DYNC2H1: variants seen among roughly 807,000 people sequenced by gnomAD.
The protein encoded by DYNC2H1 is cytoplasmic dynein 2 heavy chain 1.
DYNC2H1 carries 410 observed loss-of-function variants against 570.0 expected under a neutral mutation model. The observed-to-expected ratio is 0.72, with a 90% CI of 0.66 to 0.78. The LOEUF is 0.78. Ranked by LOEUF, DYNC2H1 falls within the 30% of genes least tolerant of loss-of-function variation. DYNC2H1 has a pLI of 0.00. For synonymous variants in DYNC2H1, 1,688 were observed against 1,677.6 expected, an observed-to-expected ratio of 1.01 and a Z score of -0.15; for missense variants, 4,865 against 5,046.4, an observed-to-expected ratio of 0.96 and a Z score of 1.09.
At chr11:103,183,599 G>T (rs1861940649) in intron 40 of DYNC2H1, among the ~76,000 whole-genome samples, 1 of 151,878 alleles carries the variant, frequency 6.6e-6, no homozygotes, top group African/African-American at 2.4e-5. Context: ...TGCTGAAATT[G>T]TATTTATAAC....
At chr11:103,361,493 GA>G (rs57728262) in intron 83 of DYNC2H1, among the ~76,000 whole-genome samples, 83,673 of 151,684 alleles carry the variant, frequency 0.55, 24,804 homozygotes, top group Admixed American at 0.66. Flanking sequence ...CTAAGACAGG[GA>G]TAAGGAATTT....
chr11:103,109,890 G>A lies in DYNC2H1; in HGVS notation c.195+121G>A, dbSNP rs1381982606. On this transcript the variant is annotated intron_variant, in intron 1 of 88. Coordinates refer to ENST00000375735, the MANE Select transcript of DYNC2H1 (RefSeq NM_001377.3). ...ACCAGATCCTTTTCAGGAACCCAAG[G>A]CTGTCTCCACTTCTCCTGCATTATT... The A allele has an allele frequency of 5.7e-6, 6 of 1,058,084 alleles. No individual in the cohort carries two copies. In the East Asian group the frequency reaches 1.1e-4, roughly 19 times the overall value. 65.5% of individuals were successfully genotyped at this position (1,058,084 alleles called of 1,614,324 possible).
chr11:103,128,870 G>T (rs746301533), intron 12 of DYNC2H1, 40 bp from the exon 13 acceptor site: 2 of 1,360,088 alleles, frequency 1.5e-6, no homozygotes, highest in African/African-American at 1.5e-5. Flanking sequence ...AATTAAAAAT[G>T]AAGTTATTAA....
chr11:103,117,288 T>A (rs994553137), intron 5 of DYNC2H1, among the ~76,000 whole-genome samples: 2 of 147,760 alleles, frequency 1.4e-5, no homozygotes, highest in African/African-American at 2.5e-5. Flanking sequence ...ATATATATAT[T>A]TTTATTATAC....
chr11:103,340,176 G>C (rs780072839), intron 82 of DYNC2H1, among the ~76,000 whole-genome samples: 3 of 152,158 alleles, frequency 2.0e-5, no homozygotes, highest in Non-Finnish European at 4.4e-5. Context: ...GTTTTCTTGT[G>C]TTGATAGTTG....
rs746598261 is a variant in DYNC2H1, at chr11:103,313,515, G to C, written c.11649+1482G>C. On this transcript the variant is annotated intron_variant, in intron 79 of 88. Transcript: ENST00000375735. Reference sequence around the variant, plus strand: ...TCTCTCCTCAAACTTTCCCCCTCATGCTGCTCCCCTTTTAACCTCTCTGTT... The same window carrying C: ...TCTCTCCTCAAACTTTCCCCCTCATCCTGCTCCCCTTTTAACCTCTCTGTT... Among the ~76,000 whole-genome samples the C allele has an allele frequency of 2.0e-5, 3 of 152,106 alleles. No homozygotes were observed. In the East Asian group the frequency reaches 5.8e-4, roughly 29 times the overall value.
intron 36 of DYNC2H1, among the ~76,000 whole-genome samples, 198 bp downstream of exon 36, chr11:103,174,368 G>A (rs995703545): frequency 1.3e-5 from 2 of 152,044 alleles, no homozygotes; most frequent in Non-Finnish European, 2.9e-5. Flanking sequence ...TTGATACATT[G>A]TTTTTAAACT....
In DYNC2H1 at chr11:103,185,853, T is replaced by G. The variant is rs1052935203; in HGVS notation, c.6634-389T>G. Among the ~76,000 whole-genome samples the G allele has an allele frequency of 1.3e-5, 2 of 151,948 alleles. No homozygotes were observed. The highest frequency in any genetic ancestry group is 4.8e-5 in the African/African-American group (2 of 41,424). ...CAGTTTTCAGTATTAAAAAGAAGAA[T>G]AACAGGTGGAGAGCAGTGGTAGTGA... On this transcript the variant is annotated intron_variant, in intron 41 of 88. Transcript: ENST00000375735. The surrounding 1 kb of genome is among the most constrained non-coding windows in gnomAD (Gnocchi z 4.5).
chr11:103,413,366 C>T (rs1401293344), intron 84 of DYNC2H1, among the ~76,000 whole-genome samples: 4 of 151,634 alleles, frequency 2.6e-5, no homozygotes, highest in African/African-American at 9.7e-5. Context: ...AAGGTATTAC[C>T]TCATGTTTTA....
chr11:103,241,619 C>G lies in DYNC2H1; in HGVS notation c.9820-2074C>G. The G allele has an allele frequency of 7.9e-7, 1 of 1,262,832 alleles. No homozygotes were observed. 78.2% of individuals were successfully genotyped at this position (1,262,832 alleles called of 1,614,324 possible). A position where few individuals can be genotyped will look rare whatever the true frequency, so the allele number is the denominator to read the frequency against. Reference sequence around the variant, plus strand: ...AAAATGCAGAATTGTGAAATGTGTGCTATTGAATGCTAGCATAAAATTAGA... The same window carrying G: ...AAAATGCAGAATTGTGAAATGTGTGGTATTGAATGCTAGCATAAAATTAGA... On this transcript the variant is annotated intron_variant, in intron 63 of 88. Transcript: ENST00000375735. This position sits in a 1 kb window ranked among gnomAD's most constrained non-coding sequence, Gnocchi z 5.1.
At position 103,152,392 on chromosome 11, in the gene DYNC2H1, G is replaced by A. The variant is rs1275327614; in HGVS notation, c.3096+107G>A. 4.5e-6 allele frequency: 5 copies of A among 1,101,550 alleles called. No individual in the cohort carries two copies. In the East Asian group the frequency reaches 1.4e-4, roughly 31 times the overall value. 68.2% of individuals were successfully genotyped at this position (1,101,550 alleles called of 1,614,324 possible). On this transcript the variant is annotated intron_variant, in intron 21 of 88. Transcript: ENST00000375735. The stretch of plus-strand genomic sequence containing the variant: ...CCCAGGTTTATAATAATTTAATGTG[G>A]CTGTTGAAATTGACCTCCCTGACTA...
chr11:103,339,473 C>G (rs945272781), intron 82 of DYNC2H1, among the ~76,000 whole-genome samples: 1 of 152,204 alleles, frequency 6.6e-6, no homozygotes, highest in South Asian at 2.1e-4. Flanking sequence ...CATTCAAGAG[C>G]AAAGACCTGC....
Position 103,353,135 on chromosome 11 carries a change from A to G in DYNC2H1, c.12040-5108A>G, listed in dbSNP as rs1342977392. Among the ~76,000 whole-genome samples the G allele has an allele frequency of 2.0e-5, 3 of 152,276 alleles. No homozygotes were observed. The East Asian group carries it at 5.8e-4, about 29-fold the overall frequency. ...ACACAGGGAGAGGAACAACACACAC[A>G]GGGCCTGTCAGGACTTGGGGGAAGG... On this transcript the variant is annotated intron_variant, in intron 82 of 88. Coordinates refer to ENST00000375735, the MANE Select transcript of DYNC2H1 (RefSeq NM_001377.3).
At chr11:103,459,899 C>G (rs1011628729) in intron 87 of DYNC2H1, among the ~76,000 whole-genome samples, 27 of 143,216 alleles carry the variant, frequency 1.9e-4, no homozygotes, top group Non-Finnish European at 3.3e-4. Context: ...TTGCAGTGAG[C>G]CGAGATTGCG....
intron 65 of DYNC2H1, among the ~76,000 whole-genome samples, chr11:103,248,952 G>A (rs1864727418): frequency 6.6e-6 from 1 of 151,938 alleles, no homozygotes; most frequent in Non-Finnish European, 1.5e-5. Context: ...CATGTAAATT[G>A]GCACTTTCCC....
chr11:103,158,113 G>A (rs572216805), intron 26 of DYNC2H1, among the ~76,000 whole-genome samples: 10 of 152,142 alleles, frequency 6.6e-5, no homozygotes, highest in South Asian at 6.2e-4. Flanking sequence ...GATGTCTTTT[G>A]CTGTCACTGG....
intron 17 of DYNC2H1, among the ~76,000 whole-genome samples, chr11:103,138,456 A>G (rs1422841855): frequency 6.6e-6 from 1 of 152,176 alleles, no homozygotes; most frequent in Non-Finnish European, 1.5e-5. Flanking sequence ...CCTTTTCTGT[A>G]TCTATTGAGA....
intron 83 of DYNC2H1, among the ~76,000 whole-genome samples, chr11:103,385,413 ACT>A (rs1182719892): frequency 6.6e-6 from 1 of 150,668 alleles, no homozygotes; most frequent in Non-Finnish European, 1.5e-5. Context: ...CTTCTGGTTC[ACT>A]GTTTTTTTTC....
intron 11 of DYNC2H1, among the ~76,000 whole-genome samples, chr11:103,123,827 CTT>C (rs35580299): frequency 2.8e-4 from 42 of 148,546 alleles, no homozygotes; most frequent in East Asian, 5.9e-4. Flanking sequence ...TCCTCCTGCC[CTT>C]TTTTTTTTTA....
Sources: allele counts gnomAD v4.1 joint callset (sites outside exome capture counted in the v4.1 genomes callset), GRCh38; gene constraint gnomAD v4.1.1; non-coding constraint Gnocchi (gnomAD v3.1); transcripts MANE v1.5; gene names NCBI Gene and HGNC (gene_info 2026-07-23, HGNC 2026-07-21).